Variants in SRGAP3 observed in about 807,000 individuals in gnomAD.
SRGAP3 encodes SLIT-ROBO Rho GTPase activating protein 3.
SRGAP3 carries 39 observed loss-of-function variants against 121.1 expected under a neutral mutation model. The ratio of observed to expected loss-of-function variants is 0.32; its 90% CI spans 0.25 to 0.42. SRGAP3 has a LOEUF of 0.42. Ranked by LOEUF, SRGAP3 falls within the 10% of genes least tolerant of loss-of-function variation. The pLI, the probability that SRGAP3 is intolerant of heterozygous loss-of-function variation, is 1.00. For synonymous variants in SRGAP3, 601 were observed against 570.0 expected, an observed-to-expected ratio of 1.05 and a Z score of -0.77; for missense variants, 1,213 against 1,470.6, an observed-to-expected ratio of 0.82 and a Z score of 2.86.
At position 9,064,587 on chromosome 3, in the gene SRGAP3, G is replaced by T. The variant is rs760058150; in HGVS notation, c.487-6C>A. 18 of 1,613,846 alleles carry T rather than the reference G, an allele frequency of 1.1e-5. No individual in the cohort carries two copies. The East Asian group carries it at 3.6e-4, about 32-fold the overall frequency. ...ATGTGGTAGGTTTTCATGACCTGGG[G>T]GTGCACAAGTAGGGGAAATCAGCAG... On this transcript the variant is annotated splice_region_variant and splice_polypyrimidine_tract_variant and intron_variant, in intron 4 of 21. Coordinates refer to ENST00000383836, the MANE Select transcript of SRGAP3 (RefSeq NM_014850.4).
At position 9,058,388 on chromosome 3, in the gene SRGAP3, G is replaced by C; in HGVS notation, c.886C>G (p.His296Asp). The change falls in exon 7 of 22, where the codon CAC becomes GAC. Residue 296 changes from histidine (H) to aspartate (D), a missense_variant. Physicochemically the swap from His to Asp is moderately conservative, Grantham distance 81. Around this residue, in one of 2 missense-constraint regions of SRGAP3, gnomAD observed 793 missense variants for 1,032.9 expected, o/e 0.77. Transcript: ENST00000383836. ...TTCTCAATGACATCCAGCCCTTCGT[G>C]GCGAGAGGTCTCCAGGTTGTATTCA... The part of the protein sequence containing the change: ...SAEYNLETSR[H>D]EGLDVIENAV... 6.2e-7 allele frequency: 1 copy of C among 1,614,238 alleles called. No individual in the cohort carries two copies. Among genetic ancestry groups the C allele is most frequent in the Non-Finnish European group, 8.5e-7 (1 of 1,180,040 alleles).
chr3:9,030,704 C>G (rs1944442457), intron 12 of SRGAP3, among the ~76,000 whole-genome samples: 1 of 152,204 alleles, frequency 6.6e-6, no homozygotes, highest in Admixed American at 6.5e-5. Context: ...CTTAACTCAA[C>G]AGAATATCTA....
At chr3:9,133,873 C>T (rs768757424) in intron 1 of SRGAP3, among the ~76,000 whole-genome samples, 10 of 152,198 alleles carry the variant, frequency 6.6e-5, no homozygotes, top group Admixed American at 3.9e-4. Flanking sequence ...GGTTTGGAGA[C>T]GGGGAGTGGT....
chr3:9,287,173 G>C (rs1221100240), intron 3 of SRGAP3, among the ~76,000 whole-genome samples: 1 of 151,628 alleles, frequency 6.6e-6, no homozygotes, highest in Admixed American at 6.6e-5. Flanking sequence ...TGTAGTTTTA[G>C]TAGAGACAGG....
At position 9,317,955 on chromosome 3, in the gene SRGAP3, G is replaced by A. The variant is rs367994110; in HGVS notation, n.442+8055C>T. Reference sequence around the variant, plus strand: ...GATACAGGCTACATGCTTTCTACAGGTGCTGGTTATGGTTCTTAATCTACT... The same window carrying A: ...GATACAGGCTACATGCTTTCTACAGATGCTGGTTATGGTTCTTAATCTACT... On this transcript the variant is annotated intron_variant and non_coding_transcript_variant, in intron 3 of 3. Transcript: ENST00000490889. Among the ~76,000 whole-genome samples, 22 of 152,294 alleles carry A rather than the reference G, an allele frequency of 1.4e-4. No individual in the cohort carries two copies. In the East Asian group the frequency reaches 4.1e-3, roughly 28 times the overall value.
intron 10 of SRGAP3, among the ~76,000 whole-genome samples, chr3:9,046,446 G>A (rs1376117301): frequency 1.3e-5 from 2 of 152,200 alleles, no homozygotes; most frequent in African/African-American, 4.8e-5. Flanking sequence ...CATGGCTGCG[G>A]CACAGTAAGG....
intron 1 of SRGAP3, among the ~76,000 whole-genome samples, chr3:9,238,966 A>T (rs751449135): frequency 6.8e-4 from 103 of 152,316 alleles, no homozygotes; most frequent in Non-Finnish European, 1.4e-3. Flanking sequence ...ATTGATGATA[A>T]ACCACAACAG....
intron 1 of SRGAP3, among the ~76,000 whole-genome samples, chr3:9,226,983 A>G (rs2125211392): frequency 6.6e-6 from 1 of 152,270 alleles, no homozygotes; most frequent in South Asian, 2.1e-4. Flanking sequence ...CCATTCCTCC[A>G]GGTCAAAAAA....
At chr3:9,089,308 G>A (rs1575058015) in intron 3 of SRGAP3, among the ~76,000 whole-genome samples, 1 of 40,198 alleles carries the variant, frequency 2.5e-5, no homozygotes, top group Non-Finnish European at 5.8e-5. Flanking sequence ...GGGGGGGGGG[G>A]CTGGAGGCTC....
intron 21 of SRGAP3, among the ~76,000 whole-genome samples, chr3:8,990,156 T>C (rs913198390): frequency 2.6e-5 from 4 of 152,228 alleles, no homozygotes; most frequent in African/African-American, 7.2e-5. Flanking sequence ...AGTGAATGAA[T>C]TGATGAATGA....
At chr3:9,267,566 G>A (rs1397409629) in intron 3 of SRGAP3, among the ~76,000 whole-genome samples, 1 of 152,188 alleles carries the variant, frequency 6.6e-6, no homozygotes, top group Non-Finnish European at 1.5e-5. Context: ...AGAACACTCT[G>A]GGGCCTACTC....
At chr3:9,041,569 C>G (rs957217842) in intron 10 of SRGAP3, among the ~76,000 whole-genome samples, 1 of 152,190 alleles carries the variant, frequency 6.6e-6, no homozygotes. Flanking sequence ...TTTCTTTGGG[C>G]CTCCATATCC....
intron 1 of SRGAP3, among the ~76,000 whole-genome samples, chr3:9,360,682 G>C (rs189216722): frequency 6.6e-6 from 1 of 152,162 alleles, no homozygotes; most frequent in African/African-American, 2.4e-5. Flanking sequence ...TGGGAGAAGC[G>C]GAAGTGGAAA....
intron 15 of SRGAP3, among the ~76,000 whole-genome samples, chr3:9,015,010 C>T (rs555327486): frequency 1.6e-4 from 25 of 152,274 alleles, no homozygotes; most frequent in Middle Eastern, 6.8e-3. Flanking sequence ...TGATTTTATC[C>T]ACAGAAACAT....
At chr3:9,251,103 G>A (rs917423347), upstream of SRGAP3, among the ~76,000 whole-genome samples, 10 of 152,184 alleles carry the variant, frequency 6.6e-5, no homozygotes, top group Non-Finnish European at 1.3e-4. Context: ...TAGAGGACAT[G>A]GCAGCTGCAG....
Position 9,039,261 on chromosome 3 carries a change from G to A in SRGAP3, c.1409-1171C>T, listed in dbSNP as rs144975183. ...TCCAGGTGTTCTTCCTGCCCTACAAGTTCCTCAGTTTCTCCTGTCTCCTCC... is the reference window on the plus strand; with the variant it reads ...TCCAGGTGTTCTTCCTGCCCTACAAATTCCTCAGTTTCTCCTGTCTCCTCC... On this transcript the variant is annotated intron_variant, in intron 10 of 21. Coordinates refer to ENST00000383836, the MANE Select transcript of SRGAP3 (RefSeq NM_014850.4). Among the ~76,000 whole-genome samples the A allele has an allele frequency of 6.6e-4, 100 of 152,190 alleles. 1 individual carries two copies. Among genetic ancestry groups the A allele is most frequent in the African/African-American group, 2.4e-3 (99 of 41,532 alleles).
chr3:9,303,853 C>T (rs1955110305), intron 3 of SRGAP3, among the ~76,000 whole-genome samples: 1 of 152,174 alleles, frequency 6.6e-6, no homozygotes, highest in South Asian at 2.1e-4. Context: ...AAACTGAAGA[C>T]CACTCAGTCA....
At chr3:9,278,795 G>T (rs939180609) in intron 3 of SRGAP3, among the ~76,000 whole-genome samples, 1 of 152,172 alleles carries the variant, frequency 6.6e-6, no homozygotes, top group Non-Finnish European at 1.5e-5. Context: ...AGCCCAACCT[G>T]AATAGGCATT....
intron 1 of SRGAP3, among the ~76,000 whole-genome samples, chr3:9,147,089 A>T (rs1950050391): frequency 6.6e-6 from 1 of 152,178 alleles, no homozygotes; most frequent in African/African-American, 2.4e-5. Flanking sequence ...TCCCTACAAC[A>T]CAGACAATAC....
Sources: gnomAD v4.1 joint callset for allele counts (sites outside exome capture counted in the v4.1 genomes callset) on GRCh38, gnomAD v4.1.1 for gene constraint, gnomAD v4.1.1 regional missense constraint, MANE v1.5 for transcripts, NCBI Gene and HGNC (gene_info 2026-07-23, HGNC 2026-07-21) for gene names.